Variants in RIC8B observed in about 807,000 individuals in gnomAD.
RIC8B encodes the protein chaperone Ric-8B.
A neutral mutation model predicts 57.5 loss-of-function variants in RIC8B; 16 were observed. The observed-to-expected ratio is 0.28, with a 90% CI of 0.19 to 0.42. The LOEUF is 0.42. Among genes scored for constraint, RIC8B ranks in the 10% least tolerant of loss-of-function variants. RIC8B has a pLI of 1.00. For synonymous variants in RIC8B, 216 were observed against 250.8 expected (o/e 0.86, Z 1.31); for missense variants, 481 against 677.0 (o/e 0.71, Z 3.21).
At chr12:106,882,603 C>T (rs1950997172) in intron 9 of RIC8B, among the ~76,000 whole-genome samples, 1 of 152,180 alleles carries the variant, frequency 6.6e-6, no homozygotes, top group South Asian at 2.1e-4. Flanking sequence ...CAAGATCACA[C>T]AGCTGGTAAG....
At chr12:106,829,914 CAT>C (rs1593236047) in intron 4 of RIC8B, among the ~76,000 whole-genome samples, 1 of 152,326 alleles carries the variant, frequency 6.6e-6, no homozygotes, top group Admixed American at 6.5e-5. Context: ...TCTGTAGTCT[CAT>C]GTGGAAAATC....
intron 8 of RIC8B, among the ~76,000 whole-genome samples, chr12:106,862,485 A>G (rs895093805): frequency 6.6e-6 from 1 of 152,078 alleles, no homozygotes; most frequent in African/African-American, 2.4e-5. Flanking sequence ...GGAGCGATCC[A>G]TAGAGCTCAA....
chr12:106,837,257 G>A (rs896191451), intron 4 of RIC8B, among the ~76,000 whole-genome samples: 5 of 152,068 alleles, frequency 3.3e-5, no homozygotes, highest in African/African-American at 1.2e-4. Flanking sequence ...AGCTACTCAG[G>A]AGGCTGAGGC....
At chr12:106,861,487 A>G (rs1290921068) in intron 8 of RIC8B, among the ~76,000 whole-genome samples, 2 of 152,002 alleles carry the variant, frequency 1.3e-5, no homozygotes, top group Non-Finnish European at 2.9e-5. Flanking sequence ...AGCATCCCCA[A>G]TGCCATCAGC....
chr12:106,847,871 A>G (rs1335073390), intron 6 of RIC8B, among the ~76,000 whole-genome samples: 1 of 152,256 alleles, frequency 6.6e-6, no homozygotes, highest in Non-Finnish European at 1.5e-5. Flanking sequence ...TTCAACCAGC[A>G]AATATTCATT....
At chr12:106,844,280 G>C (rs1393948860) in intron 6 of RIC8B, among the ~76,000 whole-genome samples, 2 of 152,160 alleles carry the variant, frequency 1.3e-5, no homozygotes, top group African/African-American at 4.8e-5. Flanking sequence ...GAAAGGTAAA[G>C]CATTTTAAGA....
At chr12:106,839,239 C>G (rs1378413175) in intron 4 of RIC8B, among the ~76,000 whole-genome samples, 7 of 152,192 alleles carry the variant, frequency 4.6e-5, no homozygotes, top group African/African-American at 1.7e-4. Context: ...CCTTACAGCA[C>G]TGTTCACAAT....
chr12:106,823,433 TCAAAA>T (rs1331462989), intron 3 of RIC8B: 4 of 456,184 alleles, frequency 8.8e-6, no homozygotes, highest in Non-Finnish European at 1.8e-5. Flanking sequence ...GTTGATGTTA[TCAAAA>T]CTGGAAAAGG....
intron 7 of RIC8B, among the ~76,000 whole-genome samples, chr12:106,854,099 T>TG (rs1419805844): frequency 3.9e-5 from 6 of 152,152 alleles, no homozygotes; most frequent in Admixed American, 3.9e-4. Flanking sequence ...AAGAGTATGT[T>TG]GCTACTATTT....
At chr12:106,861,420 A>C (rs947288431) in intron 8 of RIC8B, among the ~76,000 whole-genome samples, 1 of 152,078 alleles carries the variant, frequency 6.6e-6, no homozygotes, top group African/African-American at 2.4e-5. Flanking sequence ...CCAATTAGAC[A>C]GGACATATAT....
intron 9 of RIC8B, 61 bp downstream of exon 9, chr12:106,871,003 C>T (rs985452887): frequency 2.0e-6 from 3 of 1,496,392 alleles, no homozygotes; most frequent in Non-Finnish European, 2.7e-6. Context: ...CTTTGTCTCT[C>T]TCACTGAGAG....
Position 106,806,346 on chromosome 12 carries a change from A to G in RIC8B, c.133-8350A>G, listed in dbSNP as rs140381426. ...CATTTCAAACAGCTGACCATTCCCT[A>G]CATAAAATATTTTCTGCCATCTTGT... On this transcript the variant is annotated intron_variant, in intron 2 of 9. Coordinates refer to ENST00000392837, the MANE Select transcript of RIC8B (RefSeq NM_001330145.2). Among the ~76,000 whole-genome samples, 730 of 152,208 alleles carry G rather than the reference A, an allele frequency of 4.8e-3. 17 individuals carry two copies. Among genetic ancestry groups the G allele is most frequent in the Admixed American group, 0.044 (677 of 15,288 alleles).
intron 4 of RIC8B, among the ~76,000 whole-genome samples, chr12:106,839,624 C>T (rs1453433861): frequency 1.3e-5 from 2 of 152,116 alleles, no homozygotes; most frequent in Admixed American, 6.5e-5. Context: ...GTAGCAGAGC[C>T]TATAGTTAGC....
At chr12:106,807,422 T>A (rs1382044788) in intron 2 of RIC8B, among the ~76,000 whole-genome samples, 1 of 152,246 alleles carries the variant, frequency 6.6e-6, no homozygotes, top group African/African-American at 2.4e-5. Flanking sequence ...CAAGTCATGC[T>A]TCACCTTCTG....
chr12:106,860,463 G>C (rs1949883925), intron 8 of RIC8B, 51 bp downstream of exon 8: 1 of 1,289,656 alleles, frequency 7.8e-7, no homozygotes. Context: ...CTTTGAGTTG[G>C]TTATTTCCTT....
At position 106,888,357 on chromosome 12, in the gene RIC8B, C is replaced by T. The variant is rs1951268473; in HGVS notation, c.*2342C>T. The T allele has an allele frequency of 6.6e-6, 1 of 152,262 alleles. No homozygotes were observed. Among genetic ancestry groups the T allele is most frequent in the Non-Finnish European group, 1.5e-5 (1 of 68,048 alleles). The allele number at this position is 152,262 out of a possible 1,614,324, so 9.4% of individuals were successfully genotyped here. On this transcript the variant is annotated 3_prime_UTR_variant, in exon 10 of 10. Coordinates refer to ENST00000392837, the MANE Select transcript of RIC8B (RefSeq NM_001330145.2). ...AAAGAGAACTAATATCTGTTAAGTGCTTACTACATGCTGGGCTTTTGATGT... is the reference window on the plus strand; with the variant it reads ...AAAGAGAACTAATATCTGTTAAGTGTTTACTACATGCTGGGCTTTTGATGT...
At chr12:106,802,979 G>A (rs1210056479) in intron 2 of RIC8B, among the ~76,000 whole-genome samples, 6 of 152,028 alleles carry the variant, frequency 3.9e-5, no homozygotes, top group Admixed American at 3.9e-4. Context: ...GGAGGCAAAG[G>A]TGAGGGGATT....
chr12:106,786,792 TG>T (rs1214925033), intron 2 of RIC8B, among the ~76,000 whole-genome samples: 1 of 149,792 alleles, frequency 6.7e-6, no homozygotes, highest in Non-Finnish European at 1.5e-5. Context: ...AATGAGAGAG[TG>T]AAAAAAAAAA....
intron 7 of RIC8B, among the ~76,000 whole-genome samples, chr12:106,854,151 G>A (rs1949616848): frequency 6.6e-6 from 1 of 152,080 alleles, no homozygotes; most frequent in Admixed American, 6.5e-5. Context: ...TGTGGCCAGG[G>A]TTAGCAGATG....
Sources: gnomAD v4.1 joint callset for allele counts (sites outside exome capture counted in the v4.1 genomes callset) on GRCh38, gnomAD v4.1.1 for gene constraint, MANE v1.5 for transcripts, NCBI Gene and HGNC (gene_info 2026-07-23, HGNC 2026-07-21) for gene names.